The following RAD50 variants were observed in gnomAD, a reference collection of about 807,000 sequenced individuals.
RAD50 encodes DNA repair protein RAD50.
A neutral mutation model predicts 168.8 loss-of-function variants in RAD50; 132 were observed. The observed-to-expected ratio is 0.78, with a 90% CI of 0.68 to 0.90. The LOEUF (loss-of-function observed/expected upper bound fraction) is 0.90. Ranked by LOEUF, RAD50 falls within the 40% of genes least tolerant of loss-of-function variation. The probability of loss-of-function intolerance (pLI) is 0.00; values close to 1 mark genes in which losing one functional copy is unlikely to be tolerated. For missense variants in RAD50, 1,347 were observed against 1,534.4 expected, an observed-to-expected ratio of 0.88 and a Z score of 2.04; for synonymous variants, 525 against 497.4, an observed-to-expected ratio of 1.06 and a Z score of -0.74.
chr5:132,612,895 G>C (rs528494149), intron 19 of RAD50, among the ~76,000 whole-genome samples: 37 of 152,146 alleles, frequency 2.4e-4, no homozygotes, highest in Admixed American at 2.2e-3. Flanking sequence ...TTGGGGGTTT[G>C]GGCAGAGATA....
rs1580994836 is a variant in RAD50, at chr5:132,591,930, A to G, written c.1689A>G (p.Leu563=). 1 of 1,608,100 alleles carries G rather than the reference A, an allele frequency of 6.2e-7. No individual in the cohort carries two copies. The highest frequency in any genetic ancestry group is 1.7e-5 in the Admixed American group (1 of 59,994). ...TAAAATCTAGGCACAGTGATGAATT[A>G]ACCTCACTGTTGGGATATTTTCCCA... The part of the protein sequence containing the change: ...RKIKSRHSDE[L]TSLLGYFPNK... The change falls in exon 11 of 25, where the codon TTA becomes TTG. Residue 563 remains leucine, a synonymous_variant. Transcript: ENST00000378823.
rs1168182929 is a variant in RAD50 at position 132,642,851 on chromosome 5, T to TTAAC, written c.*489_*492dup. 2 of 369,988 alleles carry TTAAC rather than the reference T, an allele frequency of 5.4e-6. No individual in the cohort carries two copies. Among genetic ancestry groups the TTAAC allele is most frequent in the Admixed American group, 3.5e-5 (1 of 28,202 alleles). The allele number at this position is 369,988 out of a possible 1,614,324, so 22.9% of individuals were successfully genotyped here. On this transcript the variant is annotated 3_prime_UTR_variant, in exon 25 of 25. Coordinates refer to ENST00000378823, the MANE Select transcript of RAD50 (RefSeq NM_005732.4). The stretch of plus-strand genomic sequence containing the variant: ...GTGAGATGTATGTTTGGCTCTGCTT[T>TTAAC]TAACTTTATAAATCCAGTGACCTCT...
intron 1 of RAD50, among the ~76,000 whole-genome samples, chr5:132,558,998 G>A (rs1356218589): frequency 6.6e-6 from 1 of 152,120 alleles, no homozygotes; most frequent in Non-Finnish European, 1.5e-5. Context: ...TTAACTGTTA[G>A]CCATTCTTAT....
chr5:132,591,991 T>C lies in RAD50; in HGVS notation c.1750T>C (p.Ser584Pro), dbSNP rs776844902. The C allele has an allele frequency of 6.2e-7, 1 of 1,613,098 alleles. No homozygotes were observed. Among genetic ancestry groups the C allele is most frequent in the East Asian group, 2.2e-5 (1 of 44,742 alleles). Residue 584 changes from serine to proline, a missense_variant, in exon 11 of 25, where the codon TCA (serine) becomes CCA (proline). Physicochemically the swap from Ser to Pro is moderately conservative, Grantham distance 74. Around this residue, in one of 3 missense-constraint regions of RAD50, gnomAD observed 703 missense variants for 767.7 expected, o/e 0.92. Transcript: ENST00000378823. The part of the protein sequence containing the change: ...KQLEDWLHSK[S>P]KEINQTRDRL... ...GCTTGAAGACTGGCTACATAGTAAATCAAAAGAAATTAATCAGACCAGGGA... is the reference window on the plus strand; with the variant it reads ...GCTTGAAGACTGGCTACATAGTAAACCAAAAGAAATTAATCAGACCAGGGA...
chr5:132,642,357 T>C lies in RAD50; in HGVS notation c.3932T>C (p.Val1311Ala). 1 of 1,613,176 alleles carries C rather than the reference T, an allele frequency of 6.2e-7. No homozygotes were observed. Among genetic ancestry groups the C allele is most frequent in the Non-Finnish European group, 8.5e-7 (1 of 1,179,218 alleles). Reference protein sequence around the residue: ...KCSVSSLGFNVH With the variant: ...KCSVSSLGFNAH ...AGTGTTAGCTCCCTGGGATTCAATG[T>C]TCATTAAAAATATCCAAGATTTAAA... Residue 1311 changes from valine (V) to alanine (A), a missense_variant, in exon 25 of 25, where the codon GTT becomes GCT. Around this residue, in one of 3 missense-constraint regions of RAD50, gnomAD observed 635 missense variants for 739.2 expected, o/e 0.86. Transcript: ENST00000378823.
intron 6 of RAD50, 77 bp from the exon 7 acceptor site, chr5:132,587,847 G>T: frequency 6.4e-7 from 1 of 1,554,286 alleles, no homozygotes; most frequent in Non-Finnish European, 8.8e-7. Flanking sequence ...ATAAGGTTTG[G>T]TTTATATTTG....
chr5:132,577,881 C>T (rs1190333795), intron 3 of RAD50, among the ~76,000 whole-genome samples: 1 of 130,540 alleles, frequency 7.7e-6, no homozygotes, highest in African/African-American at 3.0e-5. Flanking sequence ...GTGGTGAAAT[C>T]TCAGCTCACT....
chr5:132,578,291 A>C (rs1750435110), intron 3 of RAD50, among the ~76,000 whole-genome samples: 1 of 152,192 alleles, frequency 6.6e-6, no homozygotes, highest in Non-Finnish European at 1.5e-5. Flanking sequence ...AAAGCCAAGA[A>C]CCTAAGTCTT....
intron 2 of RAD50, among the ~76,000 whole-genome samples, chr5:132,563,268 A>C (rs1425240387): frequency 1.3e-5 from 2 of 152,210 alleles, no homozygotes; most frequent in Non-Finnish European, 2.9e-5. Context: ...ATTACAGAGC[A>C]CAATTCTTGA....
chr5:132,626,870 C>T (rs909034837), intron 21 of RAD50, among the ~76,000 whole-genome samples: 2 of 148,732 alleles, frequency 1.3e-5, no homozygotes, highest in African/African-American at 2.5e-5. Context: ...TGGCCCCCTG[C>T]TTTTTTTTTT....
At chr5:132,557,563 G>A (rs575867981) in intron 1 of RAD50, 110 bp downstream of exon 1, 1 of 1,496,456 alleles carries the variant, frequency 6.7e-7, no homozygotes, top group Admixed American at 1.8e-5. Context: ...GGGCTCCACA[G>A]GTGTAGGCCC....
chr5:132,578,237 T>C (rs1266459306), intron 3 of RAD50, among the ~76,000 whole-genome samples: 1 of 152,242 alleles, frequency 6.6e-6, no homozygotes, highest in Non-Finnish European at 1.5e-5. Context: ...GGTCTTATGG[T>C]ATACCTCACC....
intron 21 of RAD50, among the ~76,000 whole-genome samples, chr5:132,622,581 G>A (rs1751304757): frequency 1.3e-5 from 2 of 152,148 alleles, no homozygotes. Context: ...CACTGTGCCA[G>A]GCTTATGATG....
intron 5 of RAD50, among the ~76,000 whole-genome samples, chr5:132,582,771 C>T (rs192825771): frequency 4.3e-4 from 66 of 152,234 alleles, no homozygotes; most frequent in African/African-American, 1.4e-3. Flanking sequence ...ACACTGGCAC[C>T]TAAGCTTTAA....
chr5:132,609,513 G>A, intron 19 of RAD50, 117 bp downstream of exon 19: 3 of 1,485,164 alleles, frequency 2.0e-6, no homozygotes, highest in Non-Finnish European at 2.7e-6. Flanking sequence ...CAAGCGTGGT[G>A]GCTCACACCT....
At chr5:132,587,162 G>A (rs983828834) in intron 5 of RAD50, among the ~76,000 whole-genome samples, 2 of 152,108 alleles carry the variant, frequency 1.3e-5, no homozygotes, top group African/African-American at 4.8e-5. Flanking sequence ...TTGCCTATAG[G>A]CTCAGAATGC....
intron 23 of RAD50, among the ~76,000 whole-genome samples, chr5:132,638,996 T>C (rs1212835536): frequency 6.6e-6 from 1 of 152,254 alleles, no homozygotes; most frequent in African/African-American, 2.4e-5. Context: ...AATAAAATTC[T>C]AAAATCATAG....
rs1315534097 is a variant in RAD50, at chr5:132,595,800, G to T, written c.2197G>T (p.Val733Leu). 1 of 1,603,774 alleles carries T rather than the reference G, an allele frequency of 6.2e-7. No individual in the cohort carries two copies. The highest frequency in any genetic ancestry group is 1.7e-4 in the Middle Eastern group (1 of 6,046). Reference sequence around the variant, plus strand: ...GCGGCGTGATGAAATGCTGGGACTTGTGCCCATGAGGTAAGAATGGGATTT... The same window carrying T: ...GCGGCGTGATGAAATGCTGGGACTTTTGCCCATGAGGTAAGAATGGGATTT... The part of the protein sequence containing the change: ...EKRRDEMLGL[V>L]PMRQSIIDLK... The change falls in exon 13 of 25, where the codon GTG (valine) becomes TTG (leucine). Residue 733 changes from valine to leucine, a missense_variant. Val to Leu is a conservative substitution (Grantham distance 32). Coordinates refer to ENST00000378823, the MANE Select transcript of RAD50 (RefSeq NM_005732.4).
chr5:132,565,673 G>A (rs987241986), intron 2 of RAD50, among the ~76,000 whole-genome samples: 3 of 152,078 alleles, frequency 2.0e-5, no homozygotes, highest in Admixed American at 6.5e-5. Flanking sequence ...ATACCAGGTG[G>A]CTTCTTGCAA....
Sources: allele counts gnomAD v4.1 joint callset (sites outside exome capture counted in the v4.1 genomes callset), GRCh38; gene constraint gnomAD v4.1.1; regional missense constraint gnomAD v4.1.1; transcripts MANE v1.5; gene names NCBI Gene and HGNC (gene_info 2026-07-23, HGNC 2026-07-21).